PXDNL: variants seen among roughly 807,000 people sequenced by gnomAD.
PXDNL encodes probable oxidoreductase PXDNL.
PXDNL carries 145 observed loss-of-function variants against 150.8 expected under a neutral mutation model. The observed-to-expected ratio is 0.96, with a 90% confidence interval of 0.84 to 1.10. The LOEUF (loss-of-function observed/expected upper bound fraction) is 1.10, where lower values mean the gene tolerates loss of function less well. Ranked by LOEUF, PXDNL falls within the 50% of genes least tolerant of loss-of-function variation. The probability of loss-of-function intolerance (pLI) is 0.00; values close to 1 mark genes in which losing one functional copy is unlikely to be tolerated. For synonymous variants in PXDNL, 757 were observed against 725.7 expected, an observed-to-expected ratio of 1.04 and a Z score of -0.69; for missense variants, 2,087 against 1,873.9, an observed-to-expected ratio of 1.11 and a Z score of -2.10.
chr8:51,536,164 T>A (rs956738267), intron 4 of PXDNL, among the ~76,000 whole-genome samples: 1 of 152,136 alleles, frequency 6.6e-6, no homozygotes, highest in African/African-American at 2.4e-5. Flanking sequence ...TCTATCTTAA[T>A]GAACAAGAAT....
chr8:51,622,434 G>A (rs1021050546), intron 2 of PXDNL, among the ~76,000 whole-genome samples: 1 of 152,104 alleles, frequency 6.6e-6, no homozygotes, highest in Non-Finnish European at 1.5e-5. Context: ...TTAGTACAGA[G>A]GAATACTTTG....
chr8:51,537,850 G>T (rs541215866), intron 4 of PXDNL, among the ~76,000 whole-genome samples: 1 of 152,168 alleles, frequency 6.6e-6, no homozygotes, highest in East Asian at 1.9e-4. Flanking sequence ...TTTTACCAGT[G>T]TTAGACTCAT....
At chr8:51,422,264 A>C (rs2129724036) in intron 14 of PXDNL, among the ~76,000 whole-genome samples, 1 of 152,298 alleles carries the variant, frequency 6.6e-6, no homozygotes, top group South Asian at 2.1e-4. Context: ...TAATAGATAT[A>C]AAGTGCACAA....
rs762947295 is a variant in PXDNL, at chr8:51,644,337, T to TATAC, written c.236+10351_236+10352insGTAT. Among the ~76,000 whole-genome samples, 98 of 50,194 alleles carry TATAC rather than the reference T, an allele frequency of 2.0e-3. 6 individuals are homozygous for TATAC. The highest frequency in any genetic ancestry group is 3.1e-3 in the African/African-American group (66 of 21,368). 32.9% of individuals were successfully genotyped at this position (50,194 alleles called of 152,430 possible). A position where few individuals can be genotyped will look rare whatever the true frequency, so the allele number is the denominator to read the frequency against. ...ACATTTTTACATATATATATATATA[T>TATAC]ACACACACACACACACACACACACA... On this transcript the variant is annotated intron_variant, in intron 2 of 22. Transcript: ENST00000356297.
chr8:51,620,414 C>T (rs34588453), intron 2 of PXDNL, among the ~76,000 whole-genome samples: 73,906 of 152,102 alleles, frequency 0.49, 21,968 homozygotes, highest in Non-Finnish European at 0.66. Context: ...TTAGCTAACA[C>T]ATGGCCAACA....
chr8:51,783,703 G>A (rs548159696), intron 1 of PXDNL, among the ~76,000 whole-genome samples: 72 of 152,296 alleles, frequency 4.7e-4, no homozygotes, highest in African/African-American at 1.6e-3. Flanking sequence ...TGGGGGAAAG[G>A]TGATCTCTAA....
chr8:51,481,741 T>C (rs1175798147), intron 6 of PXDNL, among the ~76,000 whole-genome samples: 1 of 152,238 alleles, frequency 6.6e-6, no homozygotes, highest in Non-Finnish European at 1.5e-5. Context: ...TCTGAGGCCA[T>C]TGCTTCAGAG....
chr8:51,679,299 T>C (rs1017831551), intron 1 of PXDNL, among the ~76,000 whole-genome samples: 2 of 152,196 alleles, frequency 1.3e-5, no homozygotes, highest in African/African-American at 4.8e-5. Context: ...CTCGCACTTA[T>C]AGTATTATGA....
chr8:51,502,136 A>T (rs1477948179), intron 4 of PXDNL, among the ~76,000 whole-genome samples: 1 of 152,232 alleles, frequency 6.6e-6, no homozygotes, highest in East Asian at 1.9e-4. Flanking sequence ...GTCATTTTTA[A>T]TTTTTGCAAC....
At position 51,339,674 on chromosome 8, in the gene PXDNL, T is replaced by G; in HGVS notation, c.4096A>C (p.Ser1366Arg). ...TCCTGAATTTCCGCTGCAAACGTGCTGAAATCTTGGGAGAACTTTGTTTTT... is the reference window on the plus strand; with the variant it reads ...TCCTGAATTTCCGCTGCAAACGTGCGGAAATCTTGGGAGAACTTTGTTTTT... ...LAKTKFSQDFSTFAAEIQETI... is the reference protein window; with the variant it reads ...LAKTKFSQDFRTFAAEIQETI... The change falls in exon 21 of 23, where the codon AGC becomes CGC. Residue 1366 changes from serine to arginine, a missense_variant. By Grantham distance (110) the Ser-to-Arg change is moderately radical. Coordinates refer to ENST00000356297, the MANE Select transcript of PXDNL (RefSeq NM_144651.5). 6.2e-7 allele frequency: 1 copy of G among 1,613,768 alleles called. No individual in the cohort carries two copies. The highest frequency in any genetic ancestry group is 8.5e-7 in the Non-Finnish European group (1 of 1,179,760).
intron 4 of PXDNL, among the ~76,000 whole-genome samples, chr8:51,511,173 C>A (rs1811409033): frequency 6.6e-6 from 1 of 152,086 alleles, no homozygotes; most frequent in African/African-American, 2.4e-5. Context: ...CTTATTTGAC[C>A]CCTCAATCAT....
intron 17 of PXDNL, among the ~76,000 whole-genome samples, chr8:51,387,485 T>C (rs1462909992): frequency 1.3e-5 from 2 of 152,146 alleles, no homozygotes; most frequent in Admixed American, 1.3e-4. Flanking sequence ...GAAAAAATCC[T>C]GAGAGAGTTT....
At chr8:51,508,673 C>G (rs1585536060) in intron 4 of PXDNL, among the ~76,000 whole-genome samples, 2 of 152,340 alleles carry the variant, frequency 1.3e-5, no homozygotes, top group South Asian at 2.1e-4. Context: ...AACATGAGCA[C>G]TTTCAGGTGC....
At chr8:51,433,630 T>C (rs1029917621) in intron 12 of PXDNL, among the ~76,000 whole-genome samples, 4 of 152,200 alleles carry the variant, frequency 2.6e-5, no homozygotes, top group Admixed American at 6.5e-5. Flanking sequence ...TCTTAGCTTT[T>C]ATTTAAACAA....
At chr8:51,399,218 T>G (rs1156907110) in intron 17 of PXDNL, among the ~76,000 whole-genome samples, 2 of 152,164 alleles carry the variant, frequency 1.3e-5, no homozygotes, top group Admixed American at 1.3e-4. Context: ...GACCTAGAAA[T>G]TATACTGTTA....
chr8:51,726,275 C>G (rs1444271720), intron 1 of PXDNL, among the ~76,000 whole-genome samples: 1 of 152,204 alleles, frequency 6.6e-6, no homozygotes, highest in Non-Finnish European at 1.5e-5. Flanking sequence ...GAGCTCTCAG[C>G]ACCCATGGGC....
chr8:51,781,130 G>T (rs1006013778), intron 1 of PXDNL, among the ~76,000 whole-genome samples: 5 of 152,122 alleles, frequency 3.3e-5, no homozygotes, highest in Non-Finnish European at 7.3e-5. Context: ...AAACTTAGGG[G>T]TCTACAGCAC....
chr8:51,430,481 T>G (rs895051564), intron 12 of PXDNL, among the ~76,000 whole-genome samples: 2 of 152,296 alleles, frequency 1.3e-5, no homozygotes, highest in Admixed American at 1.3e-4. Context: ...TTCAAGACCT[T>G]CAGAGCTTAC....
At chr8:51,685,901 C>G (rs531400718) in intron 1 of PXDNL, among the ~76,000 whole-genome samples, 5 of 152,264 alleles carry the variant, frequency 3.3e-5, no homozygotes, top group African/African-American at 1.2e-4. Context: ...CCCACAGCAA[C>G]AAATATTTAA....
Sources: allele counts gnomAD v4.1 joint callset (sites outside exome capture counted in the v4.1 genomes callset), GRCh38; gene constraint gnomAD v4.1.1; transcripts MANE v1.5; gene names NCBI Gene and HGNC (gene_info 2026-07-23, HGNC 2026-07-21).